GFPT1: variants seen among roughly 807,000 people sequenced by gnomAD.
GFPT1 encodes the protein glutamine--fructose-6-phosphate aminotransferase [isomerizing] 1.
GFPT1 carries 40 observed loss-of-function variants against 92.0 expected under a neutral mutation model. The observed-to-expected ratio is 0.43, with a 90% CI of 0.34 to 0.57. The LOEUF (loss-of-function observed/expected upper bound fraction) is 0.57. Ranked by LOEUF, GFPT1 falls within the 20% of genes least tolerant of loss-of-function variation. The pLI, the probability that GFPT1 is intolerant of heterozygous loss-of-function variation, is 0.02. For missense variants in GFPT1, 448 were observed against 869.1 expected, an observed-to-expected ratio of 0.52 and a Z score of 6.09; for synonymous variants, 269 against 280.6, an observed-to-expected ratio of 0.96 and a Z score of 0.41.
intron 3 of GFPT1, among the ~76,000 whole-genome samples, chr2:69,366,526 A>C (rs1306627545): frequency 6.6e-6 from 1 of 152,214 alleles, no homozygotes; most frequent in Non-Finnish European, 1.5e-5. Context: ...TTTCAAATTC[A>C]CATATCTATT....
At chr2:69,352,190 G>C (rs564646343) in intron 9 of GFPT1, among the ~76,000 whole-genome samples, 1 of 152,174 alleles carries the variant, frequency 6.6e-6, no homozygotes, top group Non-Finnish European at 1.5e-5. Flanking sequence ...TTGAACCTGG[G>C]AGGTGGAGGT....
chr2:69,333,497 C>G (rs377239233), intron 15 of GFPT1, among the ~76,000 whole-genome samples: 1 of 152,158 alleles, frequency 6.6e-6, no homozygotes, highest in Non-Finnish European at 1.5e-5. Flanking sequence ...ATAAGCTATA[C>G]CCTACATTCA....
chr2:69,334,359 A>T (rs955677333), intron 15 of GFPT1, among the ~76,000 whole-genome samples: 6 of 152,128 alleles, frequency 3.9e-5, no homozygotes, highest in African/African-American at 1.4e-4. Context: ...ATACTTACTC[A>T]ATTTTTTTAA....
intron 18 of GFPT1, among the ~76,000 whole-genome samples, chr2:69,327,892 C>T (rs1423783804): frequency 6.6e-6 from 1 of 151,930 alleles, no homozygotes; most frequent in East Asian, 1.9e-4. Context: ...CACTTCAGGT[C>T]AGGAGTTCGA....
intron 1 of GFPT1, among the ~76,000 whole-genome samples, chr2:69,382,563 T>C (rs1001321269): frequency 6.6e-6 from 1 of 152,232 alleles, no homozygotes. Flanking sequence ...GTATTACATA[T>C]GAATGACCTT....
At chr2:69,374,216 T>C (rs1012444697) in intron 1 of GFPT1, 103 bp from the exon 2 acceptor site, 6 of 634,104 alleles carry the variant, frequency 9.5e-6, no homozygotes, top group Non-Finnish European at 1.7e-5. Context: ...ATTCTGTCTT[T>C]CAAACATTTC....
rs1365772915 is a variant in GFPT1, at chr2:69,333,474, A to G, written c.1483-3676T>C. Reference sequence around the variant, plus strand: ...TTCATCAATACATACCAGGAAACCAATTATGAGGAAAAATAAGCTATACCC... The same window carrying G: ...TTCATCAATACATACCAGGAAACCAGTTATGAGGAAAAATAAGCTATACCC... On this transcript the variant is annotated intron_variant, in intron 15 of 19. Transcript: ENST00000357308. 3.3e-5 allele frequency among the ~76,000 whole-genome samples: 5 copies of G among 152,364 alleles called. No homozygotes were observed. The South Asian group carries it at 1.0e-3, about 32-fold the overall frequency.
At chr2:69,330,111 A>G (rs1183747386) in intron 15 of GFPT1, among the ~76,000 whole-genome samples, 1 of 152,100 alleles carries the variant, frequency 6.6e-6, no homozygotes, top group African/African-American at 2.4e-5. Flanking sequence ...CCAGCTACTC[A>G]GGAGGATCAC....
At chr2:69,344,472 G>T (rs1671035607) in intron 12 of GFPT1, among the ~76,000 whole-genome samples, 1 of 152,042 alleles carries the variant, frequency 6.6e-6, no homozygotes, top group Non-Finnish European at 1.5e-5. Context: ...ACAGGGGAGG[G>T]GATGGAGAGC....
At position 69,363,701 on chromosome 2, in the gene GFPT1, T is replaced by A. The variant is rs184184841; in HGVS notation, c.224-31A>T. The A allele has an allele frequency of 3.2e-5, 47 of 1,486,580 alleles. No homozygotes were observed. In the Admixed American group the frequency reaches 7.9e-4, roughly 25 times the overall value. The allele number at this position is 1,486,580 out of a possible 1,614,324, so 92.1% of individuals were successfully genotyped here. ...GAATATGAAAAGAAAAATTTCAATA[T>A]TAAATCATGCTGCAGAGATAATGCT... is the stretch of plus-strand genomic sequence containing the variant. On this transcript the variant is annotated intron_variant, in intron 3 of 19. Coordinates refer to ENST00000357308, the MANE Select transcript of GFPT1 (RefSeq NM_001244710.2).
chr2:69,354,605 T>C (rs776825310), intron 7 of GFPT1, 37 bp from the exon 8 acceptor site: 11 of 1,172,290 alleles, frequency 9.4e-6, no homozygotes, highest in Non-Finnish European at 1.4e-5. Flanking sequence ...TAAACCATTT[T>C]TATAAATAAT....
At chr2:69,341,408 T>C (rs1670949401) in intron 13 of GFPT1, among the ~76,000 whole-genome samples, 1 of 152,164 alleles carries the variant, frequency 6.6e-6, no homozygotes, top group Non-Finnish European at 1.5e-5. Flanking sequence ...CCAGATAGTT[T>C]CACTCACTGC....
chr2:69,355,854 T>C (rs543855250), intron 7 of GFPT1, among the ~76,000 whole-genome samples: 182 of 152,238 alleles, frequency 1.2e-3, no homozygotes, highest in Non-Finnish European at 2.3e-3. Flanking sequence ...GAATATATGT[T>C]TCAAAAAATA....
intron 14 of GFPT1, among the ~76,000 whole-genome samples, 181 bp from the exon 15 acceptor site, chr2:69,338,236 TTC>T (rs1414994700): frequency 6.6e-6 from 1 of 152,246 alleles, no homozygotes; most frequent in Non-Finnish European, 1.5e-5. Context: ...TCTCTCTTCC[TTC>T]TCTGTCATTG....
At chr2:69,381,863 C>CAT (rs548446155) in intron 1 of GFPT1, among the ~76,000 whole-genome samples, 1 of 143,064 alleles carries the variant, frequency 7.0e-6, no homozygotes, top group Non-Finnish European at 1.5e-5. Flanking sequence ...ACTTATAACT[C>CAT]TTTTTTTTTT....
chr2:69,370,619 A>T (rs2104680953), intron 2 of GFPT1, among the ~76,000 whole-genome samples: 1 of 152,336 alleles, frequency 6.6e-6, no homozygotes, highest in African/African-American at 2.4e-5. Context: ...GTGTAGGGAA[A>T]GAACTGGAGG....
chr2:69,375,513 C>T (rs1026287425), intron 1 of GFPT1, among the ~76,000 whole-genome samples: 1 of 152,056 alleles, frequency 6.6e-6, no homozygotes, highest in Non-Finnish European at 1.5e-5. Context: ...AATTATTATG[C>T]CCTAAAAAAG....
At chr2:69,369,907 C>T in intron 3 of GFPT1, 94 bp downstream of exon 3, 1 of 806,578 alleles carries the variant, frequency 1.2e-6, no homozygotes, top group Non-Finnish European at 2.2e-6. Flanking sequence ...AAATTGGTCC[C>T]AAAATATGGG....
intron 15 of GFPT1, among the ~76,000 whole-genome samples, chr2:69,332,802 G>A (rs1269115000): frequency 3.3e-5 from 5 of 151,848 alleles, no homozygotes; most frequent in African/African-American, 1.2e-4. Flanking sequence ...GTGCGCGCGC[G>A]GATTATATGC....
Sources: allele counts gnomAD v4.1 joint callset (sites outside exome capture counted in the v4.1 genomes callset), GRCh38; gene constraint gnomAD v4.1.1; transcripts MANE v1.5; gene names NCBI Gene and HGNC (gene_info 2026-07-23, HGNC 2026-07-21).